Variants in ANKRD27 observed in about 807,000 individuals in gnomAD.
ANKRD27 encodes the protein ankyrin repeat domain 27.
Under a neutral mutation model 129.7 loss-of-function variants are expected in ANKRD27, and 112 were observed. The observed-to-expected ratio is 0.86, with a 90% CI of 0.74 to 1.01. The LOEUF is 1.01. Among genes scored for constraint, ANKRD27 ranks in the 50% least tolerant of loss-of-function variants. The probability of loss-of-function intolerance (pLI) is 0.00; values close to 1 mark genes in which losing one functional copy is unlikely to be tolerated. For synonymous variants in ANKRD27, 516 were observed against 511.2 expected (o/e 1.01, Z -0.13); for missense variants, 1,258 against 1,300.5 (o/e 0.97, Z 0.50).
intron 2 of ANKRD27, among the ~76,000 whole-genome samples, chr19:32,656,258 T>G (rs1967535021): frequency 6.6e-6 from 1 of 152,074 alleles, no homozygotes; most frequent in African/African-American, 2.4e-5. Context: ...TCTAAAAAGC[T>G]GGATAAAGAT....
intron 11 of ANKRD27, 48 bp downstream of exon 11, chr19:32,640,259 G>A (rs748672239): frequency 2.9e-5 from 44 of 1,529,992 alleles, no homozygotes; most frequent in South Asian, 3.4e-5. Context: ...CACCGTGCCC[G>A]GCCAAGCACT....
At position 32,599,476 on chromosome 19, in the gene ANKRD27, T is replaced by G. The variant is rs148191178; in HGVS notation, c.2919+228A>C. Among the ~76,000 whole-genome samples, 582 of 151,886 alleles carry G rather than the reference T, an allele frequency of 3.8e-3. 4 individuals are homozygous for G. Among genetic ancestry groups the G allele is most frequent in the African/African-American group, 0.01 (424 of 41,446 alleles). On this transcript the variant is annotated intron_variant, in intron 28 of 28. Coordinates refer to ENST00000306065, the MANE Select transcript of ANKRD27 (RefSeq NM_032139.3). ...ACCAAGACCTGTGGTTTCCCACACA[T>G]GTAACACTTTCCACTCCTCTGCTCA...
intron 9 of ANKRD27, among the ~76,000 whole-genome samples, chr19:32,642,702 A>G (rs970536056): frequency 6.6e-6 from 1 of 152,168 alleles, no homozygotes; most frequent in African/African-American, 2.4e-5. Flanking sequence ...ACACCACTGC[A>G]CTCCAGCCTG....
intron 2 of ANKRD27, among the ~76,000 whole-genome samples, chr19:32,655,794 G>T (rs1405281392): frequency 3.3e-5 from 5 of 152,064 alleles, no homozygotes; most frequent in Admixed American, 2.0e-4. Flanking sequence ...AAGGCAGATG[G>T]ATCACTTGAG....
rs141791615 is a variant in ANKRD27, at chr19:32,633,656, T to A, written c.1117-2162A>T. Among the ~76,000 whole-genome samples, 7 of 152,024 alleles carry A rather than the reference T, an allele frequency of 4.6e-5. No individual in the cohort carries two copies. The East Asian group carries it at 1.4e-3, about 29-fold the overall frequency. ...TTTCAAAGTTCTCTCTTTTTTTCAT[T>A]CACAAAGGTAACTCTAGAGTCATCC... On this transcript the variant is annotated intron_variant, in intron 12 of 28. Transcript: ENST00000306065.
intron 1 of ANKRD27, among the ~76,000 whole-genome samples, chr19:32,669,952 C>T (rs1263884438): frequency 1.3e-5 from 2 of 148,734 alleles, no homozygotes; most frequent in Admixed American, 6.7e-5. Flanking sequence ...GCCGAGATGG[C>T]GCCACTGCAC....
chr19:32,597,239 T>TAA lies in ANKRD27; in HGVS notation c.*904_*905dup, dbSNP rs1971583563. ...TAGCTCTAGGCCAATAACATAAAAA[T>TAA]AACAGTATAATCTATAGAAATTTAT... On this transcript the variant is annotated 3_prime_UTR_variant, in exon 29 of 29. Transcript: ENST00000306065. 6.6e-6 allele frequency: 1 copy of TAA among 152,504 alleles called. No homozygotes were observed. The highest frequency in any genetic ancestry group is 1.5e-5 in the Non-Finnish European group (1 of 68,006). 9.4% of individuals were successfully genotyped at this position (152,504 alleles called of 1,614,324 possible). A position where few individuals can be genotyped will look rare whatever the true frequency, so the allele number is the denominator to read the frequency against.
At chr19:32,622,352 C>A in intron 18 of ANKRD27, 70 bp downstream of exon 18, 1 of 1,550,136 alleles carries the variant, frequency 6.5e-7, no homozygotes. Flanking sequence ...GTCTAGTAGG[C>A]CAAGACCTAA....
chr19:32,606,082 CAA>C, intron 23 of ANKRD27, 128 bp from the exon 24 acceptor site: 1 of 805,300 alleles, frequency 1.2e-6, no homozygotes, highest in Non-Finnish European at 1.7e-6. Context: ...GAGAAATGCT[CAA>C]GTTTGATATT....
At position 32,598,164 on chromosome 19, in the gene ANKRD27, A is replaced by C; in HGVS notation, c.3134T>G (p.Val1045Gly). 6.2e-7 allele frequency: 1 copy of C among 1,613,932 alleles called. No individual in the cohort carries two copies. Among genetic ancestry groups the C allele is most frequent in the Non-Finnish European group, 8.5e-7 (1 of 1,179,978 alleles). ...AAGPLSTPQE[V>G]SASRS ...TTCCTGTTAGGACCGGGAAGCACTA[A>C]CCTCTTGGGGAGTGGAGAGGGGGCC... is the stretch of plus-strand genomic sequence containing the variant. The change falls in exon 29 of 29, where the codon GTT becomes GGT. Residue 1045 changes from valine to glycine, a missense_variant. Coordinates refer to ENST00000306065, the MANE Select transcript of ANKRD27 (RefSeq NM_032139.3).
rs560064737 is a variant in ANKRD27, at chr19:32,645,798, A to G, written c.370+661T>C. ...CAGGCACGCACCACTGCACGTGGCT[A>G]ATTTTTTTTGTATTTTTAGTAGAGA... On this transcript the variant is annotated intron_variant, in intron 4 of 28. Transcript: ENST00000306065. 4.0e-5 allele frequency among the ~76,000 whole-genome samples: 6 copies of G among 151,388 alleles called. No homozygotes were observed. In the South Asian group the frequency reaches 1.3e-3, roughly 32 times the overall value.
chr19:32,654,003 C>T (rs967031974), intron 2 of ANKRD27, among the ~76,000 whole-genome samples: 1 of 152,098 alleles, frequency 6.6e-6, no homozygotes, highest in Admixed American at 6.6e-5. Flanking sequence ...CGGGTTCACG[C>T]GATTCTCCTG....
At chr19:32,620,579 A>C (rs552254671) in intron 18 of ANKRD27, among the ~76,000 whole-genome samples, 1 of 149,812 alleles carries the variant, frequency 6.7e-6, no homozygotes, top group East Asian at 2.0e-4. Flanking sequence ...AAAAAAAAAA[A>C]CCAAAACAAT....
Position 32,619,071 on chromosome 19 carries a change from C to T in ANKRD27, c.2007+189G>A, listed in dbSNP as rs75001421. Among the ~76,000 whole-genome samples, 857 of 152,288 alleles carry T rather than the reference C, an allele frequency of 5.6e-3. 31 individuals carry two copies. In the East Asian group the frequency reaches 0.099, roughly 18 times the overall value. ...TCCATGAAGGGCACACCAAAATATA[C>T]AGCACCGCGAGATGCTGCTGGGCCC... On this transcript the variant is annotated intron_variant, in intron 20 of 28. Transcript: ENST00000306065.
Position 32,660,836 on chromosome 19 carries a change from T to C in ANKRD27, c.-30-1791A>G, listed in dbSNP as rs1189022358. 2.6e-5 allele frequency among the ~76,000 whole-genome samples: 4 copies of C among 152,284 alleles called. No homozygotes were observed. In the East Asian group the frequency reaches 7.7e-4, roughly 29 times the overall value. The stretch of plus-strand genomic sequence containing the variant: ...TATGTAAACTGCCTGATCATGTCTT[T>C]TGCTCACTTTCCCGCTGGGTTGTTG... On this transcript the variant is annotated intron_variant, in intron 1 of 28. Coordinates refer to ENST00000306065, the MANE Select transcript of ANKRD27 (RefSeq NM_032139.3).
intron 12 of ANKRD27, chr19:32,638,928 C>T (rs772145424): frequency 5.3e-5 from 14 of 261,790 alleles, no homozygotes; most frequent in Admixed American, 4.2e-4. Context: ...AGGCCAAGAG[C>T]GTGAAATGAG....
At chr19:32,619,130 C>A (rs1252168388) in intron 20 of ANKRD27, 130 bp downstream of exon 20, 4 of 1,266,030 alleles carry the variant, frequency 3.2e-6, no homozygotes, top group Non-Finnish European at 4.3e-6. Flanking sequence ...CACCACAGAG[C>A]AGCAGCGGCC....
intron 18 of ANKRD27, among the ~76,000 whole-genome samples, chr19:32,621,517 G>A (rs1314717832): frequency 1.3e-5 from 2 of 152,024 alleles, no homozygotes; most frequent in South Asian, 2.1e-4. Flanking sequence ...AATCCCAGCT[G>A]CTAGGGAGGC....
At position 32,617,580 on chromosome 19, in the gene ANKRD27, A is replaced by G. The variant is rs1971938870; in HGVS notation, c.2052+9T>C. On this transcript the variant is annotated intron_variant, in intron 21 of 28. Coordinates refer to ENST00000306065, the MANE Select transcript of ANKRD27 (RefSeq NM_032139.3). ...AAAAATAAAATAAAAAGCACTTCTA[A>G]AAACTCACCATTTCTAGATCTCCAT... is the stretch of plus-strand genomic sequence containing the variant. 2.6e-6 allele frequency: 2 copies of G among 755,276 alleles called. No homozygotes were observed. The highest frequency in any genetic ancestry group is 4.9e-6 in the Non-Finnish European group (2 of 408,986). 46.8% of individuals were successfully genotyped at this position (755,276 alleles called of 1,614,324 possible). A position where few individuals can be genotyped will look rare whatever the true frequency, so the allele number is the denominator to read the frequency against.
Sources: allele counts gnomAD v4.1 joint callset (sites outside exome capture counted in the v4.1 genomes callset), GRCh38; gene constraint gnomAD v4.1.1; transcripts MANE v1.5; gene names NCBI Gene and HGNC (gene_info 2026-07-23, HGNC 2026-07-21).